PACRG: variants seen among roughly 807,000 people sequenced by gnomAD.
PACRG encodes parkin coregulated.
Under a neutral mutation model 29.7 loss-of-function variants are expected in PACRG, and 29 were observed. That is an observed-to-expected ratio of 0.98 (90% confidence interval 0.73 to 1.33). The LOEUF is 1.33. PACRG is among the 40% of genes most tolerant of loss of function. The probability of loss-of-function intolerance (pLI) is 0.00; values close to 1 mark genes in which losing one functional copy is unlikely to be tolerated. For missense variants in PACRG, 279 were observed against 316.2 expected (o/e 0.88, Z 0.89); for synonymous variants, 116 against 118.7 (o/e 0.98, Z 0.15).
At chr6:163,225,790 C>T (rs956757638) in intron 4 of PACRG, among the ~76,000 whole-genome samples, 4 of 152,124 alleles carry the variant, frequency 2.6e-5, no homozygotes, top group Non-Finnish European at 5.9e-5. Flanking sequence ...TTCACAGTAG[C>T]CAAGACATGG....
chr6:163,314,599 T>A (rs1785573252), intron 4 of PACRG, among the ~76,000 whole-genome samples: 1 of 152,178 alleles, frequency 6.6e-6, no homozygotes, highest in Non-Finnish European at 1.5e-5. Context: ...TCACTTACTT[T>A]TGTTTACTCT....
chr6:163,029,875 A>G (rs932941577), intron 2 of PACRG, among the ~76,000 whole-genome samples: 4 of 152,176 alleles, frequency 2.6e-5, no homozygotes, highest in Non-Finnish European at 4.4e-5. Flanking sequence ...GCTGATTAAT[A>G]CAACTGCATA....
At chr6:162,997,745 T>A (rs887883899) in intron 2 of PACRG, among the ~76,000 whole-genome samples, 1 of 152,254 alleles carries the variant, frequency 6.6e-6, no homozygotes, top group Non-Finnish European at 1.5e-5. Flanking sequence ...CTTGACATTG[T>A]CAGACTTTTA....
chr6:163,049,421 G>A (rs1267210218), intron 2 of PACRG, among the ~76,000 whole-genome samples: 1 of 151,998 alleles, frequency 6.6e-6, no homozygotes, highest in Non-Finnish European at 1.5e-5. Flanking sequence ...GCTCTTTTCT[G>A]ACTGTTTCTA....
intron 2 of PACRG, among the ~76,000 whole-genome samples, chr6:163,006,172 C>T (rs1360455081): frequency 1.5e-5 from 2 of 131,756 alleles, no homozygotes; most frequent in African/African-American, 3.0e-5. Flanking sequence ...TAATATAAAA[C>T]ATACATATAT....
intron 2 of PACRG, among the ~76,000 whole-genome samples, chr6:162,838,206 C>G (rs1263312729): frequency 6.6e-6 from 1 of 152,150 alleles, no homozygotes; most frequent in Non-Finnish European, 1.5e-5. Flanking sequence ...TCCTCTGAAT[C>G]TCCGTGGCTT....
intron 1 of PACRG, among the ~76,000 whole-genome samples, chr6:162,797,569 C>T (rs936725760): frequency 1.3e-5 from 2 of 152,022 alleles, no homozygotes; most frequent in Admixed American, 6.6e-5. Context: ...TTTTCCTGGC[C>T]CACAGGTAAT....
intron 4 of PACRG, among the ~76,000 whole-genome samples, chr6:163,269,822 A>AAGGAAGGAAG (rs58539852): frequency 4.3e-5 from 2 of 46,306 alleles, no homozygotes; most frequent in Non-Finnish European, 4.6e-5. Context: ...GGAAGGAAGG[A>AAGGAAGGAAG]GAAAGAAAGA....
chr6:162,931,706 G>T (rs1719878606), intron 2 of PACRG, among the ~76,000 whole-genome samples: 2 of 151,912 alleles, frequency 1.3e-5, no homozygotes, highest in South Asian at 4.2e-4. Flanking sequence ...AAATAACAGT[G>T]ATACCACTAC....
In PACRG at chr6:163,269,944, AAAG is replaced by A. The variant is rs1562350083; in HGVS notation, c.614-44880_614-44878del. Among the ~76,000 whole-genome samples, 58 of 36,284 alleles carry A rather than the reference AAAG, an allele frequency of 1.6e-3. 8 individuals are homozygous for A. Among genetic ancestry groups the A allele is most frequent in the East Asian group, 6.8e-3 (10 of 1,462 alleles). 23.8% of individuals were successfully genotyped at this position (36,284 alleles called of 152,430 possible). A position where few individuals can be genotyped will look rare whatever the true frequency, so the allele number is the denominator to read the frequency against. The stretch of plus-strand genomic sequence containing the variant: ...AAAGAAAGAAAACAAAGAAAGAAAG[AAAG>A]AAAGAAAGAAAGAAAGAAAGAAAGA... On this transcript the variant is annotated intron_variant, in intron 4 of 4. Coordinates refer to ENST00000366888, the MANE Select transcript of PACRG (RefSeq NM_001080379.2).
chr6:162,728,591 T>C lies in PACRG; in HGVS notation c.156+200T>C, dbSNP rs189951522. Reference sequence around the variant, plus strand: ...GGTTGTTAGAATCTTGGGCAAGTGATGTACTCTGCCCATTTATAAGCACCT... The same window carrying C: ...GGTTGTTAGAATCTTGGGCAAGTGACGTACTCTGCCCATTTATAAGCACCT... On this transcript the variant is annotated intron_variant, in intron 1 of 4. Coordinates refer to ENST00000366888, the MANE Select transcript of PACRG (RefSeq NM_001080379.2). Among the ~76,000 whole-genome samples the C allele has an allele frequency of 9.6e-4, 146 of 152,290 alleles. 1 individual carries two copies. In the Middle Eastern group the frequency reaches 0.02, roughly 21 times the overall value.
chr6:162,982,279 T>C (rs1231212035), intron 2 of PACRG, among the ~76,000 whole-genome samples: 3 of 152,164 alleles, frequency 2.0e-5, no homozygotes, highest in African/African-American at 7.2e-5. Context: ...TATATTGTTT[T>C]CTTTTTGTTT....
chr6:162,949,988 G>A (rs7755621), intron 2 of PACRG, among the ~76,000 whole-genome samples: 127,464 of 152,168 alleles, frequency 0.84, 54,045 homozygotes, highest in East Asian at 0.96. Flanking sequence ...AAAACTCTGA[G>A]CAACTTTGAT....
At chr6:162,924,420 C>T (rs1022230057) in intron 2 of PACRG, among the ~76,000 whole-genome samples, 4 of 152,058 alleles carry the variant, frequency 2.6e-5, no homozygotes, top group African/African-American at 9.7e-5. Flanking sequence ...ACTTCCAGTA[C>T]TCTATTGAAT....
chr6:162,839,699 T>A (rs1789581256), intron 2 of PACRG, among the ~76,000 whole-genome samples: 1 of 152,138 alleles, frequency 6.6e-6, no homozygotes, highest in African/African-American at 2.4e-5. Flanking sequence ...ATTGCCTAGG[T>A]TTTCTTCTAG....
chr6:162,955,622 T>G (rs1799962784), intron 2 of PACRG, among the ~76,000 whole-genome samples: 1 of 152,142 alleles, frequency 6.6e-6, no homozygotes, highest in Non-Finnish European at 1.5e-5. Flanking sequence ...AATGTTCCAT[T>G]TGTGTTTTCA....
intron 4 of PACRG, among the ~76,000 whole-genome samples, chr6:163,258,523 C>T (rs1482078737): frequency 2.6e-5 from 4 of 151,970 alleles, no homozygotes; most frequent in African/African-American, 4.8e-5. Flanking sequence ...TTTGGGAGGC[C>T]GAGACGAGCA....
At chr6:163,002,487 G>T (rs534023180) in intron 2 of PACRG, among the ~76,000 whole-genome samples, 2 of 151,922 alleles carry the variant, frequency 1.3e-5, no homozygotes, top group African/African-American at 4.8e-5. Context: ...TCTTTTTCAG[G>T]TTAAAAAAAG....
At chr6:163,241,159 C>T (rs983740215) in intron 4 of PACRG, among the ~76,000 whole-genome samples, 4 of 151,988 alleles carry the variant, frequency 2.6e-5, no homozygotes, top group African/African-American at 9.7e-5. Flanking sequence ...AATTTCATTA[C>T]CTGAGAGAGG....
Sources: allele counts gnomAD v4.1 joint callset (sites outside exome capture counted in the v4.1 genomes callset), GRCh38; gene constraint gnomAD v4.1.1; transcripts MANE v1.5; gene names NCBI Gene and HGNC (gene_info 2026-07-23, HGNC 2026-07-21).